SUSD1: variants seen among roughly 807,000 people sequenced by gnomAD.
SUSD1 encodes the protein sushi domain-containing protein 1.
In SUSD1, 65 loss-of-function variants were observed where a neutral mutation model predicts 86.9. That is an observed-to-expected ratio of 0.75 (90% CI 0.61 to 0.92). The LOEUF is 0.92. Ranked by LOEUF, SUSD1 falls within the 40% of genes least tolerant of loss-of-function variation. The pLI, the probability that SUSD1 is intolerant of heterozygous loss-of-function variation, is 0.00. For synonymous variants in SUSD1, 346 were observed against 350.0 expected (o/e 0.99, Z 0.13); for missense variants, 850 against 929.7 (o/e 0.91, Z 1.11).
At chr9:112,157,829 T>C (rs1046662088) in intron 1 of SUSD1, among the ~76,000 whole-genome samples, 5 of 151,094 alleles carry the variant, frequency 3.3e-5, no homozygotes, top group African/African-American at 7.3e-5. Flanking sequence ...TCTTTCTTTT[T>C]TTTTTTTTTT....
chr9:112,163,305 C>T (rs773368810), intron 1 of SUSD1, among the ~76,000 whole-genome samples: 5 of 151,844 alleles, frequency 3.3e-5, no homozygotes, highest in Admixed American at 1.3e-4. Context: ...ACAGGCACAT[C>T]CCACCACACC....
chr9:112,098,403 C>T (rs1830487084), intron 10 of SUSD1, 67 bp downstream of exon 10: 3 of 1,525,396 alleles, frequency 2.0e-6, no homozygotes, highest in South Asian at 1.2e-5. Context: ...CTTATGCCCG[C>T]CCACACTGCT....
chr9:112,056,825 T>G (rs1828472723), intron 14 of SUSD1, among the ~76,000 whole-genome samples: 1 of 151,998 alleles, frequency 6.6e-6, no homozygotes. Flanking sequence ...TCAAGAAATC[T>G]CCTGCCTCAG....
chr9:112,166,587 C>T (rs985023556), intron 1 of SUSD1, among the ~76,000 whole-genome samples: 3 of 152,132 alleles, frequency 2.0e-5, no homozygotes, highest in Admixed American at 6.6e-5. Flanking sequence ...CACCAAGTCT[C>T]GATTGCCACA....
intron 13 of SUSD1, among the ~76,000 whole-genome samples, chr9:112,061,255 G>A (rs985135510): frequency 2.0e-5 from 3 of 152,154 alleles, no homozygotes; most frequent in African/African-American, 7.2e-5. Context: ...GGTGCACAAA[G>A]CAGACTCAGG....
At chr9:112,104,494 T>C (rs947422602) in intron 8 of SUSD1, among the ~76,000 whole-genome samples, 1 of 152,096 alleles carries the variant, frequency 6.6e-6, no homozygotes. Flanking sequence ...GACCTGAAGG[T>C]ACCATCTGGC....
intron 6 of SUSD1, among the ~76,000 whole-genome samples, chr9:112,117,161 T>C (rs147823491): frequency 3.3e-5 from 5 of 152,200 alleles, no homozygotes; most frequent in African/African-American, 1.2e-4. Flanking sequence ...AATAAATTCT[T>C]TTAAGAAAAT....
chr9:112,098,185 G>A (rs1450181379), intron 10 of SUSD1, among the ~76,000 whole-genome samples: 1 of 152,138 alleles, frequency 6.6e-6, no homozygotes, highest in Non-Finnish European at 1.5e-5. Context: ...AATTTGGGGT[G>A]AGAGATAAAA....
intron 5 of SUSD1, among the ~76,000 whole-genome samples, chr9:112,126,483 T>C (rs188848945): frequency 1.3e-5 from 2 of 152,192 alleles, no homozygotes; most frequent in African/African-American, 4.8e-5. Flanking sequence ...ACCCAATTGA[T>C]AAGAAATCAG....
intron 12 of SUSD1, among the ~76,000 whole-genome samples, chr9:112,073,647 G>A (rs1210356405): frequency 6.6e-6 from 1 of 152,086 alleles, no homozygotes; most frequent in Non-Finnish European, 1.5e-5. Context: ...AGCACTTTGA[G>A]AGGCTAAGGG....
Position 112,061,753 on chromosome 9 carries a change from T to C in SUSD1, c.1850+1184A>G, listed in dbSNP as rs541257157. On this transcript the variant is annotated intron_variant, in intron 13 of 16. Transcript: ENST00000374270. ...AGCAGGAAAACCCTAAGTTTTATTATAAATGGATATACAGATAATATCGCC... is the reference window on the plus strand; with the variant it reads ...AGCAGGAAAACCCTAAGTTTTATTACAAATGGATATACAGATAATATCGCC... Among the ~76,000 whole-genome samples the C allele has an allele frequency of 2.6e-5, 4 of 152,312 alleles. No homozygotes were observed. The East Asian group carries it at 7.7e-4, about 29-fold the overall frequency.
At chr9:112,076,117 G>C (rs1829503930) in intron 12 of SUSD1, among the ~76,000 whole-genome samples, 1 of 152,184 alleles carries the variant, frequency 6.6e-6, no homozygotes, top group Non-Finnish European at 1.5e-5. Flanking sequence ...AGAGTTTTGA[G>C]CTGGTGCTGA....
intron 5 of SUSD1, among the ~76,000 whole-genome samples, chr9:112,130,548 GAAAGA>G (rs749967285): frequency 3.9e-4 from 58 of 147,562 alleles, no homozygotes; most frequent in Non-Finnish European, 1.8e-4. Context: ...GGAAAGGAAG[GAAAGA>G]AAAGAAAGGA....
chr9:112,103,590 A>C (rs2131621926), intron 8 of SUSD1, among the ~76,000 whole-genome samples: 1 of 152,350 alleles, frequency 6.6e-6, no homozygotes, highest in South Asian at 2.1e-4. Flanking sequence ...ATTCAGGGGA[A>C]GATGGCAATG....
At chr9:112,122,536 C>T (rs576773437) in intron 6 of SUSD1, among the ~76,000 whole-genome samples, 2 of 84,822 alleles carry the variant, frequency 2.4e-5, no homozygotes, top group Non-Finnish European at 4.4e-5. Context: ...CTCAAGTGAT[C>T]CACTGCCTCA....
At chr9:112,059,337 A>G (rs1049182423) in intron 13 of SUSD1, among the ~76,000 whole-genome samples, 1 of 152,220 alleles carries the variant, frequency 6.6e-6, no homozygotes, top group Non-Finnish European at 1.5e-5. Context: ...GTGTCATAAA[A>G]TTGACCTGAT....
At chr9:112,143,737 G>T in intron 3 of SUSD1, 114 bp from the exon 4 acceptor site, 1 of 1,080,974 alleles carries the variant, frequency 9.3e-7, no homozygotes, top group Non-Finnish European at 1.3e-6. Context: ...CTTGTAAAAA[G>T]ATGCATTTGT....
intron 10 of SUSD1, among the ~76,000 whole-genome samples, 187 bp downstream of exon 10, chr9:112,098,280 TACC>T (rs1437759526): frequency 6.6e-6 from 1 of 152,168 alleles, no homozygotes; most frequent in Non-Finnish European, 1.5e-5. Flanking sequence ...TATGAGCCAG[TACC>T]CTTCAGGGAA....
chr9:112,059,468 C>G (rs1020081796), intron 13 of SUSD1, among the ~76,000 whole-genome samples: 2 of 152,172 alleles, frequency 1.3e-5, no homozygotes, highest in African/African-American at 2.4e-5. Context: ...GACAGTCATG[C>G]GGTGACCTGA....
Sources: gnomAD v4.1 joint callset for allele counts (sites outside exome capture counted in the v4.1 genomes callset) on GRCh38, gnomAD v4.1.1 for gene constraint, MANE v1.5 for transcripts, NCBI Gene and HGNC (gene_info 2026-07-23, HGNC 2026-07-21) for gene names.